Variants in HS6ST2 observed in about 807,000 individuals in gnomAD.
HS6ST2 encodes heparan sulfate 6-O-sulfotransferase 2.
In HS6ST2, 17 loss-of-function variants were observed where a neutral mutation model predicts 33.0. The observed-to-expected ratio is 0.52, with a 90% confidence interval of 0.35 to 0.77. The LOEUF is 0.77. Ranked by LOEUF, HS6ST2 falls within the 30% of genes least tolerant of loss-of-function variation. The probability of loss-of-function intolerance (pLI) is 0.01; values close to 1 mark genes in which losing one functional copy is unlikely to be tolerated. For missense variants in HS6ST2, 519 were observed against 551.7 expected (o/e 0.94, Z 0.59); for synonymous variants, 248 against 237.1 (o/e 1.05, Z -0.42).
chrX:132,804,630 T>A (rs915593174), intron 2 of HS6ST2, among the ~76,000 whole-genome samples: 5 of 111,446 alleles, frequency 4.5e-5, no homozygotes, highest in Admixed American at 1.9e-4. Context: ...TGAAACCTCA[T>A]TTCTACAAAA....
intron 2 of HS6ST2, among the ~76,000 whole-genome samples, chrX:132,937,300 T>C (rs2066834543): frequency 1.8e-5 from 2 of 112,011 alleles, no homozygotes; most frequent in Admixed American, 1.9e-4. Context: ...ATGCAATCCC[T>C]GTCAAAATAC....
intron 2 of HS6ST2, among the ~76,000 whole-genome samples, chrX:132,847,060 G>A (rs769190398): frequency 3.6e-4 from 40 of 111,141 alleles, no homozygotes; most frequent in African/African-American, 1.3e-3. Context: ...AGATATGTTC[G>A]TTGATGATAT....
intron 4 of HS6ST2, among the ~76,000 whole-genome samples, chrX:132,631,655 C>T (rs1394039768): frequency 9.0e-6 from 1 of 111,086 alleles, no homozygotes; most frequent in Non-Finnish European, 1.9e-5. Flanking sequence ...TTGGATTAAC[C>T]TTTCAACCAG....
intron 2 of HS6ST2, among the ~76,000 whole-genome samples, chrX:132,916,590 C>T (rs910815640): frequency 1.8e-5 from 2 of 111,975 alleles, no homozygotes; most frequent in South Asian, 3.8e-4. Flanking sequence ...TGGCTGCCAG[C>T]GTGGCTAGAA....
chrX:132,871,235 T>C (rs765948938), intron 2 of HS6ST2, among the ~76,000 whole-genome samples: 2 of 112,190 alleles, frequency 1.8e-5, no homozygotes, highest in Non-Finnish European at 3.8e-5. Flanking sequence ...TACTATCTCA[T>C]GCCCAGTTAG....
intron 2 of HS6ST2, among the ~76,000 whole-genome samples, chrX:132,714,807 C>T (rs748607690): frequency 9.0e-6 from 1 of 111,422 alleles, no homozygotes; most frequent in South Asian, 3.8e-4. Context: ...GTGCCCAGAG[C>T]CCCTGCCCCA....
intron 4 of HS6ST2, among the ~76,000 whole-genome samples, chrX:132,637,000 T>C (rs1317193459): frequency 4.5e-5 from 5 of 112,171 alleles, no homozygotes; most frequent in Non-Finnish European, 9.4e-5. Context: ...TCAAGTTAAG[T>C]AGGTGTGTTC....
intron 2 of HS6ST2, among the ~76,000 whole-genome samples, chrX:132,860,548 A>C (rs2065901074): frequency 8.9e-6 from 1 of 111,951 alleles, no homozygotes; most frequent in Non-Finnish European, 1.9e-5. Context: ...CATCAAAATG[A>C]GGAGTACATG....
At chrX:132,876,518 C>T (rs2066109950) in intron 2 of HS6ST2, among the ~76,000 whole-genome samples, 1 of 111,538 alleles carries the variant, frequency 9.0e-6, no homozygotes, top group African/African-American at 3.3e-5. Context: ...AGTTTTGAGG[C>T]TTTATTGCCT....
chrX:132,869,486 T>C (rs1240814797), intron 2 of HS6ST2, among the ~76,000 whole-genome samples: 1 of 111,573 alleles, frequency 9.0e-6, no homozygotes, highest in Non-Finnish European at 1.9e-5. Flanking sequence ...CAGGCCAATA[T>C]CCTTTATGAA....
chrX:132,908,050 C>T (rs745694799), intron 2 of HS6ST2, among the ~76,000 whole-genome samples: 2 of 112,010 alleles, frequency 1.8e-5, no homozygotes, highest in South Asian at 3.7e-4. Flanking sequence ...ATATAAAGAA[C>T]AATTATAACT....
intron 2 of HS6ST2, among the ~76,000 whole-genome samples, chrX:132,753,117 T>C (rs1190303779): frequency 1.8e-5 from 2 of 111,375 alleles, no homozygotes; most frequent in Non-Finnish European, 3.8e-5. Flanking sequence ...CATTATAACC[T>C]TTCTTGGACT....
intron 3 of HS6ST2, among the ~76,000 whole-genome samples, chrX:132,690,153 C>A (rs1319352212): frequency 1.8e-5 from 2 of 111,981 alleles, no homozygotes; most frequent in South Asian, 3.7e-4. Context: ...CATTGAAATG[C>A]GAATTGCATA....
At chrX:132,680,866 G>A (rs1262366700) in intron 3 of HS6ST2, among the ~76,000 whole-genome samples, 1 of 110,733 alleles carries the variant, frequency 9.0e-6, no homozygotes, top group Admixed American at 9.6e-5. Flanking sequence ...GGGCATGGTG[G>A]TGGGTGCCTG....
In HS6ST2 at chrX:132,850,400, T is replaced by C. The variant is rs192617767; in HGVS notation, c.947+106408A>G. Reference sequence around the variant, plus strand: ...CTCTCTTTTTCTAAGAAGCAGAGAGTCAGAAAGAGTGAAGGCCGACAGACA... The same window carrying C: ...CTCTCTTTTTCTAAGAAGCAGAGAGCCAGAAAGAGTGAAGGCCGACAGACA... On this transcript the variant is annotated intron_variant, in intron 2 of 4. Coordinates refer to ENST00000370833, the MANE Select transcript of HS6ST2 (RefSeq NM_001394073.1). Among the ~76,000 whole-genome samples the C allele has an allele frequency of 1.3e-3, 147 of 110,654 alleles. 1 individual carries two copies. The highest frequency in any genetic ancestry group is 4.4e-3 in the African/African-American group (135 of 30,422).
chrX:132,810,850 C>T (rs2065334096), intron 2 of HS6ST2, among the ~76,000 whole-genome samples: 1 of 112,423 alleles, frequency 8.9e-6, no homozygotes, highest in African/African-American at 3.2e-5. Flanking sequence ...AAGCCAAGCC[C>T]TGGTTAACCC....
intron 2 of HS6ST2, among the ~76,000 whole-genome samples, chrX:132,905,918 C>G (rs1410881974): frequency 7.2e-5 from 8 of 110,793 alleles, no homozygotes; most frequent in Admixed American, 4.8e-4. Context: ...CCCAGCTACT[C>G]AGGAGGCTCA....
intron 2 of HS6ST2, among the ~76,000 whole-genome samples, chrX:132,937,208 AG>A (rs1476985566): frequency 8.9e-6 from 1 of 112,243 alleles, no homozygotes; most frequent in African/African-American, 3.2e-5. Context: ...GACACAAAAA[AG>A]GAAAGACATC....
intron 4 of HS6ST2, among the ~76,000 whole-genome samples, chrX:132,639,278 A>G (rs1459125252): frequency 8.9e-6 from 1 of 112,043 alleles, no homozygotes; most frequent in Non-Finnish European, 1.9e-5. Context: ...TTCTTTAACA[A>G]GATGTGAAAT....
Sources: allele counts gnomAD v4.1 joint callset (sites outside exome capture counted in the v4.1 genomes callset), GRCh38; gene constraint gnomAD v4.1.1; transcripts MANE v1.5; gene names NCBI Gene and HGNC (gene_info 2026-07-23, HGNC 2026-07-21).